The following VPS26C variants were observed in gnomAD, a reference collection of about 807,000 sequenced individuals.
VPS26C encodes vacuolar protein sorting-associated protein 26C.
A neutral mutation model predicts 30.6 loss-of-function variants in VPS26C; 19 were observed. The observed-to-expected ratio is 0.62, with a 90% CI of 0.43 to 0.91. The LOEUF is 0.91. Ranked by LOEUF, VPS26C falls within the 40% of genes least tolerant of loss-of-function variation. The pLI is 0.00. For missense variants in VPS26C, 318 were observed against 385.1 expected (o/e 0.83, Z 1.46); for synonymous variants, 132 against 151.5 (o/e 0.87, Z 0.95).
chr21:37,229,637 A>G (rs1442758213), intron 5 of VPS26C, among the ~76,000 whole-genome samples: 1 of 152,236 alleles, frequency 6.6e-6, no homozygotes, highest in Non-Finnish European at 1.5e-5. Context: ...AAAAATATGA[A>G]TGATGTTTTA....
Position 37,232,368 on chromosome 21 carries a change from A to G in VPS26C, c.507+9T>C. The G allele has an allele frequency of 6.2e-7, 1 of 1,613,486 alleles. No individual in the cohort carries two copies. Among genetic ancestry groups the G allele is most frequent in the Non-Finnish European group, 8.5e-7 (1 of 1,179,552 alleles). On this transcript the variant is annotated intron_variant, in intron 5 of 7. Transcript: ENST00000309117. ...TACCCACGGCATTCGCCTGTGCAGG[A>G]CGTCTTACCTCTTTGACGTTCTGTA...
At chr21:37,244,331 G>A (rs1049634616) in intron 1 of VPS26C, among the ~76,000 whole-genome samples, 1 of 152,226 alleles carries the variant, frequency 6.6e-6, no homozygotes, top group South Asian at 2.1e-4. Flanking sequence ...TCCGCCTCCT[G>A]GGTTCAAGCA....
In VPS26C at chr21:37,233,462, G is replaced by A; in HGVS notation, c.352-20C>T. The A allele has an allele frequency of 6.3e-7, 1 of 1,592,070 alleles. No homozygotes were observed. ...TGTATACTAAAGGGGAGAGTTGGAG[G>A]AAAAAAGTTCATTTTAGTGGGATTT... On this transcript the variant is annotated intron_variant, in intron 3 of 7. Coordinates refer to ENST00000309117, the MANE Select transcript of VPS26C (RefSeq NM_006052.2). This position sits in a 1 kb window ranked among gnomAD's most constrained non-coding sequence, Gnocchi z 5.2.
intron 1 of VPS26C, among the ~76,000 whole-genome samples, chr21:37,258,282 G>A (rs1268941243): frequency 1.3e-5 from 2 of 152,234 alleles, no homozygotes; most frequent in Admixed American, 6.5e-5. Flanking sequence ...CAGGCCGGTT[G>A]CAGCCGTTTC....
Position 37,232,461 on chromosome 21 carries a change from G to A in VPS26C, c.433-10C>T. The A allele has an allele frequency of 6.2e-7, 1 of 1,613,142 alleles. No homozygotes were observed. The highest frequency in any genetic ancestry group is 2.2e-5 in the East Asian group (1 of 44,882). ...ACTTCCCCTTCTGAGGCTAAAACGA[G>A]AGGTGAAACCGAAATCAGTAGGTGA... On this transcript the variant is annotated splice_polypyrimidine_tract_variant and intron_variant, in intron 4 of 7. Transcript: ENST00000309117.
chr21:37,258,610 A>G lies in VPS26C; in HGVS notation c.57+8628T>C, dbSNP rs73903521. Among the ~76,000 whole-genome samples, 1,012 of 152,068 alleles carry G rather than the reference A, an allele frequency of 6.7e-3. 15 individuals carry two copies. The highest frequency in any genetic ancestry group is 0.023 in the African/African-American group (947 of 41,488). ...GTAGGCTGCAGGTTTCGGGCCTAAG[A>G]GAGGGCATGGCTGGCGACACGGAGT... On this transcript the variant is annotated intron_variant, in intron 1 of 7. Transcript: ENST00000309117.
rs1383812536 is a variant in VPS26C, at chr21:37,257,389, G to A, written c.57+9849C>T. Among the ~76,000 whole-genome samples, 1 of 152,188 alleles carries A rather than the reference G, an allele frequency of 6.6e-6. No homozygotes were observed. The highest frequency in any genetic ancestry group is 1.5e-5 in the Non-Finnish European group (1 of 68,036). On this transcript the variant is annotated intron_variant, in intron 1 of 7. Transcript: ENST00000309117. The surrounding 1 kb of genome is among the most constrained non-coding windows in gnomAD (Gnocchi z 4.2). Reference sequence around the variant, plus strand: ...GGTGACGTGTGGACCACGCTCTTCCGAAGCGTCTGGCCTGTGTGCTCTCGG... The same window carrying A: ...GGTGACGTGTGGACCACGCTCTTCCAAAGCGTCTGGCCTGTGTGCTCTCGG...
At chr21:37,250,899 C>CAAA (rs11450988) in intron 1 of VPS26C, among the ~76,000 whole-genome samples, 7 of 78,136 alleles carry the variant, frequency 9.0e-5, no homozygotes, top group East Asian at 3.2e-4. Context: ...GACTCCATTT[C>CAAA]AAAAAAAAAA....
chr21:37,225,415 G>C lies in VPS26C; in HGVS notation c.*129C>G. 1 of 785,668 alleles carries C rather than the reference G, an allele frequency of 1.3e-6. No individual in the cohort carries two copies. Among genetic ancestry groups the C allele is most frequent in the Non-Finnish European group, 2.1e-6 (1 of 467,342 alleles). The allele number at this position is 785,668 out of a possible 1,614,324, so 48.7% of individuals were successfully genotyped here. On this transcript the variant is annotated 3_prime_UTR_variant, in exon 8 of 8. Transcript: ENST00000309117. Reference sequence around the variant, plus strand: ...GGAAGGAAAGTTAATTTGAGGGTCTGTTTCATTTCTGATACAGAATAATCA... The same window carrying C: ...GGAAGGAAAGTTAATTTGAGGGTCTCTTTCATTTCTGATACAGAATAATCA...
At chr21:37,236,849 T>C (rs2086030271) in intron 3 of VPS26C, among the ~76,000 whole-genome samples, 1 of 152,208 alleles carries the variant, frequency 6.6e-6, no homozygotes, top group Admixed American at 6.5e-5. Flanking sequence ...ATTATTCCCT[T>C]TACTAAGGAA....
intron 3 of VPS26C, chr21:37,237,362 CAA>C (rs1392474597): frequency 6.6e-6 from 1 of 152,154 alleles, no homozygotes; most frequent in Non-Finnish European, 1.5e-5. Context: ...AATCAATGTT[CAA>C]GATATCTTCA....
chr21:37,228,865 C>G (rs2085932664), intron 5 of VPS26C: 1 of 153,892 alleles, frequency 6.5e-6, no homozygotes, highest in Admixed American at 6.5e-5. Context: ...GACCCCATCT[C>G]TAAAAAATGT....
chr21:37,240,371 C>T (rs529167654), intron 2 of VPS26C, 125 bp downstream of exon 2: 25 of 1,051,888 alleles, frequency 2.4e-5, no homozygotes, highest in South Asian at 9.5e-5. Context: ...GCGATCCTCC[C>T]GCCTTGGCCT....
chr21:37,257,150 AAAAC>A lies in VPS26C; in HGVS notation c.57+10084_57+10087del, dbSNP rs954257117. ...CTGTCTCAAAAAAACAAAACACAAA[AAAAC>A]AAACAAAAAAAAGCAAATATATGTA... On this transcript the variant is annotated intron_variant, in intron 1 of 7. Transcript: ENST00000309117. This position sits in a 1 kb window ranked among gnomAD's most constrained non-coding sequence, Gnocchi z 4.2. Among the ~76,000 whole-genome samples the A allele has an allele frequency of 5.3e-5, 8 of 152,198 alleles. No homozygotes were observed. The highest frequency in any genetic ancestry group is 1.2e-4 in the Non-Finnish European group (8 of 68,042).
At position 37,235,861 on chromosome 21, in the gene VPS26C, A is replaced by G. The variant is rs1436209595; in HGVS notation, c.352-2419T>C. On this transcript the variant is annotated intron_variant, in intron 3 of 7. Coordinates refer to ENST00000309117, the MANE Select transcript of VPS26C (RefSeq NM_006052.2). ...TGTGTATATGTGTGTGTATATATATATATATATATATATATATATTTTTTT... is the reference window on the plus strand; with the variant it reads ...TGTGTATATGTGTGTGTATATATATGTATATATATATATATATATTTTTTT... 1.4e-4 allele frequency among the ~76,000 whole-genome samples: 14 copies of G among 100,484 alleles called. 1 individual carries two copies. Among genetic ancestry groups the G allele is most frequent in the African/African-American group, 1.8e-4 (5 of 27,598 alleles). 65.9% of individuals were successfully genotyped at this position (100,484 alleles called of 152,430 possible). A position where few individuals can be genotyped will look rare whatever the true frequency, so the allele number is the denominator to read the frequency against.
chr21:37,255,106 G>C (rs1022825891), intron 1 of VPS26C, among the ~76,000 whole-genome samples: 2 of 152,108 alleles, frequency 1.3e-5, no homozygotes, highest in Non-Finnish European at 1.5e-5. Flanking sequence ...TTACAAAATG[G>C]TTTTTTAAAA....
At chr21:37,228,145 C>A in intron 6 of VPS26C, 78 bp downstream of exon 6, 2 of 1,547,920 alleles carry the variant, frequency 1.3e-6, no homozygotes, top group Non-Finnish European at 8.7e-7. Flanking sequence ...AGCCCCCCAG[C>A]ATCCTCTTAA....
chr21:37,243,818 A>G (rs995576899), intron 1 of VPS26C, among the ~76,000 whole-genome samples: 17 of 152,088 alleles, frequency 1.1e-4, no homozygotes, highest in African/African-American at 3.1e-4. Context: ...CTGGCAAACA[A>G]CTTTGTATCA....
intron 1 of VPS26C, among the ~76,000 whole-genome samples, chr21:37,260,702 G>C (rs1377405687): frequency 1.3e-5 from 2 of 152,042 alleles, no homozygotes; most frequent in African/African-American, 4.8e-5. Flanking sequence ...TTCCATTCCT[G>C]AATCAGAGAG....
Sources: gnomAD v4.1 joint callset for allele counts (sites outside exome capture counted in the v4.1 genomes callset) on GRCh38, gnomAD v4.1.1 for gene constraint, Gnocchi (gnomAD v3.1) non-coding constraint, MANE v1.5 for transcripts, NCBI Gene and HGNC (gene_info 2026-07-23, HGNC 2026-07-21) for gene names.